CALHM4: variants seen among roughly 807,000 people sequenced by gnomAD.
CALHM4 encodes the protein calcium homeostasis modulator family member 4, also known as calcium homeostasis modulator protein 4.
Under a neutral mutation model 13.3 loss-of-function variants are expected in CALHM4, and 16 were observed. The ratio of observed to expected loss-of-function variants is 1.20; its 90% CI spans 0.81 to 1.82. CALHM4 has a LOEUF of 1.82. Ranked by LOEUF, CALHM4 falls within the 40% of genes most tolerant of loss-of-function variation. CALHM4 has a pLI of 0.00. For synonymous variants in CALHM4, 127 were observed against 137.1 expected (o/e 0.93, Z 0.52); for missense variants, 344 against 374.9 (o/e 0.92, Z 0.68).
At chr6:116,531,286 G>C (rs1348994677) in intron 1 of CALHM4, among the ~76,000 whole-genome samples, 6 of 151,990 alleles carry the variant, frequency 3.9e-5, no homozygotes, top group Admixed American at 3.3e-4. Flanking sequence ...TGGGTGATTG[G>C]GCAGAATGCA....
chr6:116,543,714 T>G, intron 1 of CALHM4: 1 of 1,038,210 alleles, frequency 9.6e-7, no homozygotes, highest in Non-Finnish European at 1.4e-6. Context: ...AAATACTAAT[T>G]TCTAACATAA....
At chr6:116,545,252 T>TTG (rs1433625873) in intron 2 of CALHM4, among the ~76,000 whole-genome samples, 2 of 152,114 alleles carry the variant, frequency 1.3e-5, no homozygotes, top group African/African-American at 4.8e-5. Context: ...ATATAATTAG[T>TTG]CAGAAAAGAA....
Position 116,558,313 on chromosome 6 carries a change from C to A in CALHM4, c.*102C>A. 1 of 1,246,736 alleles carries A rather than the reference C, an allele frequency of 8.0e-7. No homozygotes were observed. Among genetic ancestry groups the A allele is most frequent in the Non-Finnish European group, 1.1e-6 (1 of 915,906 alleles). 77.2% of individuals were successfully genotyped at this position (1,246,736 alleles called of 1,614,324 possible). On this transcript the variant is annotated 3_prime_UTR_variant, in exon 2 of 2. Coordinates refer to ENST00000368596, the MANE Select transcript of CALHM4 (RefSeq NM_001366078.2). Reference sequence around the variant, plus strand: ...GTAATCTCTTCATCTTTTTCTTTCTCTCTGATATTTGTTTACGTAAGTCCA... The same window carrying A: ...GTAATCTCTTCATCTTTTTCTTTCTATCTGATATTTGTTTACGTAAGTCCA...
Position 116,553,905 on chromosome 6 carries a change from A to G in CALHM4, c.112A>G (p.Thr38Ala), listed in dbSNP as rs2115288383. The G allele has an allele frequency of 1.9e-6, 3 of 1,550,660 alleles. No individual in the cohort carries two copies. The highest frequency in any genetic ancestry group is 1.7e-4 in the Middle Eastern group (1 of 5,992). The change falls in exon 1 of 2, where the codon ACA becomes GCA. Residue 38 changes from threonine (T) to alanine (A), a missense_variant. By Grantham distance (58) the Thr-to-Ala change is moderately conservative (BLOSUM62 0). Transcript: ENST00000368596. ...TGGGCAACAACTCTTCTCCTCTTCT[A>G]CATTCAGCTGTCCTTGTCAGGTTGG... ...IGGQQLFSSS[T>A]FSCPCQVGKN... is the part of the protein sequence containing the mutation.
intron 2 of CALHM4, among the ~76,000 whole-genome samples, chr6:116,546,404 C>T (rs969344947): frequency 2.0e-5 from 3 of 152,158 alleles, no homozygotes; most frequent in African/African-American, 4.8e-5. Context: ...GAAATGGAAG[C>T]GGAAAACTCA....
chr6:116,533,505 T>C (rs998226670), intron 1 of CALHM4, among the ~76,000 whole-genome samples: 10 of 152,174 alleles, frequency 6.6e-5, no homozygotes, highest in Non-Finnish European at 1.5e-4. Flanking sequence ...GCCAGAATAA[T>C]TCCAGCGTGA....
intron 1 of CALHM4, among the ~76,000 whole-genome samples, chr6:116,533,129 T>C (rs1179830123): frequency 6.6e-6 from 1 of 152,176 alleles, no homozygotes; most frequent in Non-Finnish European, 1.5e-5. Flanking sequence ...GAAGAAAGTA[T>C]AAATTATTGG....
At chr6:116,556,756 A>T (rs1003074425) in intron 1 of CALHM4, among the ~76,000 whole-genome samples, 3 of 152,188 alleles carry the variant, frequency 2.0e-5, no homozygotes, top group African/African-American at 7.2e-5. Context: ...CAGCCATTTG[A>T]TTCAATCTTT....
At chr6:116,536,446 C>T (rs766551997) in intron 1 of CALHM4, among the ~76,000 whole-genome samples, 5 of 152,286 alleles carry the variant, frequency 3.3e-5, no homozygotes, top group Middle Eastern at 3.4e-3. Flanking sequence ...GTTATGAATA[C>T]CTGAAGTTAC....
chr6:116,539,273 T>C (rs1178290826), intron 1 of CALHM4, among the ~76,000 whole-genome samples: 2 of 152,190 alleles, frequency 1.3e-5, no homozygotes, highest in African/African-American at 4.8e-5. Flanking sequence ...ATTCTGACAA[T>C]ATAAAAAGGG....
chr6:116,540,250 G>T lies in CALHM4; in HGVS notation c.-108-3515G>T. ...TTTTCAATCAGAATCTCCTTTCTCA[G>T]CACCTAACAATGAATGCAGATGGAA... is the stretch of plus-strand genomic sequence containing the variant. On this transcript the variant is annotated intron_variant, in intron 1 of 2. Coordinates refer to the CALHM4 transcript ENST00000368597. 1.1e-6 allele frequency: 1 copy of T among 948,100 alleles called. No homozygotes were observed. The highest frequency in any genetic ancestry group is 1.6e-6 in the Non-Finnish European group (1 of 633,334). 58.7% of individuals were successfully genotyped at this position (948,100 alleles called of 1,614,324 possible). A position where few individuals can be genotyped will look rare whatever the true frequency, so the allele number is the denominator to read the frequency against.
chr6:116,557,706 G>A, intron 1 of CALHM4, 119 bp from the exon 2 acceptor site: 4 of 1,250,564 alleles, frequency 3.2e-6, no homozygotes, highest in Non-Finnish European at 4.4e-6. Flanking sequence ...GATGGGAAAA[G>A]CAAATTTTAT....
chr6:116,546,575 G>A (rs560953544), intron 2 of CALHM4, among the ~76,000 whole-genome samples: 1 of 152,304 alleles, frequency 6.6e-6, no homozygotes, highest in South Asian at 2.1e-4. Context: ...GGCTGTTGCA[G>A]CCCTACCATT....
chr6:116,536,822 C>T (rs1773125412), intron 1 of CALHM4, among the ~76,000 whole-genome samples: 1 of 152,170 alleles, frequency 6.6e-6, no homozygotes, highest in South Asian at 2.1e-4. Flanking sequence ...CTACAGTAAA[C>T]TTCTTCTGAA....
intron 2 of CALHM4, among the ~76,000 whole-genome samples, chr6:116,546,117 C>T (rs1562358299): frequency 1.3e-5 from 2 of 152,120 alleles, no homozygotes; most frequent in African/African-American, 4.8e-5. Flanking sequence ...TATCTGGTAA[C>T]TTTTTTGCTT....
At chr6:116,532,632 CTG>C (rs764453317) in intron 1 of CALHM4, among the ~76,000 whole-genome samples, 4 of 152,214 alleles carry the variant, frequency 2.6e-5, no homozygotes, top group South Asian at 2.1e-4. Context: ...CTTTGGGAAA[CTG>C]TATTACTTCC....
upstream of CALHM4, among the ~76,000 whole-genome samples, chr6:116,551,306 A>G (rs533785355): frequency 9.2e-5 from 14 of 152,220 alleles, no homozygotes; most frequent in Admixed American, 8.5e-4. Context: ...TTCCTTTGTA[A>G]TCCCTCTCTT....
chr6:116,536,700 C>T (rs986457318), intron 1 of CALHM4, among the ~76,000 whole-genome samples: 13 of 152,060 alleles, frequency 8.5e-5, no homozygotes, highest in African/African-American at 2.4e-4. Context: ...GTACTTGAGA[C>T]GGATGATGAT....
chr6:116,552,784 C>G (rs1418785552), upstream of CALHM4, among the ~76,000 whole-genome samples: 1 of 152,098 alleles, frequency 6.6e-6, no homozygotes, highest in Non-Finnish European at 1.5e-5. Context: ...TTATTAAAAA[C>G]CAAATATCGG....
Sources: allele counts gnomAD v4.1 joint callset (sites outside exome capture counted in the v4.1 genomes callset), GRCh38; gene constraint gnomAD v4.1.1; transcripts MANE v1.5; gene names NCBI Gene and HGNC (gene_info 2026-07-23, HGNC 2026-07-21).